Variants in EP400 observed in about 807,000 individuals in gnomAD.
EP400 encodes the protein E1A-binding protein p400.
In EP400, 105 loss-of-function variants were observed where a neutral mutation model predicts 354.1. That is an observed-to-expected ratio of 0.30 (90% CI 0.25 to 0.35). The LOEUF is 0.35. Among genes scored for constraint, EP400 ranks in the 10% least tolerant of loss-of-function variants. The pLI, the probability that EP400 is intolerant of heterozygous loss-of-function variation, is 1.00. For synonymous variants in EP400, 1,646 were observed against 1,716.9 expected (o/e 0.96, Z 1.02); for missense variants, 3,280 against 4,121.0 (o/e 0.80, Z 5.59).
At chr12:131,968,814 TG>T (rs1478520129) in intron 2 of EP400, among the ~76,000 whole-genome samples, 1 of 152,168 alleles carries the variant, frequency 6.6e-6, no homozygotes, top group Non-Finnish European at 1.5e-5. Context: ...ATTCCAATTT[TG>T]GGGGGTATTA....
chr12:132,006,355 T>A (rs1893581493), intron 14 of EP400, 53 bp downstream of exon 14: 10 of 1,573,148 alleles, frequency 6.4e-6, no homozygotes, highest in Non-Finnish European at 8.6e-6. Flanking sequence ...ACAGAGCACA[T>A]AGCTTAGCCA....
At chr12:132,030,811 A>G (rs1000610811) in intron 29 of EP400, among the ~76,000 whole-genome samples, 18 of 152,216 alleles carry the variant, frequency 1.2e-4, no homozygotes, top group African/African-American at 3.1e-4. Context: ...GGGGTTGTCC[A>G]TGGGCCCCGT....
rs373894699 is a variant in EP400 at position 132,070,477 on chromosome 12, C to T, written c.9021+836C>T. On this transcript the variant is annotated intron_variant, in intron 51 of 52. Transcript: ENST00000389561. The surrounding 1 kb of genome is among the most constrained non-coding windows in gnomAD (Gnocchi z 4.1). ...GGTCCCACGGCGCTCTCGCTATGAGCGGCAGTGACACTTGGTGTCTGGAGG... is the reference window on the plus strand; with the variant it reads ...GGTCCCACGGCGCTCTCGCTATGAGTGGCAGTGACACTTGGTGTCTGGAGG... 6.6e-6 allele frequency among the ~76,000 whole-genome samples: 1 copy of T among 152,262 alleles called. No individual in the cohort carries two copies. Among genetic ancestry groups the T allele is most frequent in the African/African-American group, 2.4e-5 (1 of 41,460 alleles).
rs1004168063 is a variant in EP400 at position 132,067,730 on chromosome 12, C to G, written c.8874+244C>G. Among the ~76,000 whole-genome samples, 1 of 151,046 alleles carries G rather than the reference C, an allele frequency of 6.6e-6. No individual in the cohort carries two copies. Among genetic ancestry groups the G allele is most frequent in the Admixed American group, 6.6e-5 (1 of 15,164 alleles). On this transcript the variant is annotated intron_variant, in intron 50 of 52. Transcript: ENST00000389561. The surrounding 1 kb of genome is among the most constrained non-coding windows in gnomAD (Gnocchi z 5.3). The stretch of plus-strand genomic sequence containing the variant: ...GGCAGGGGGATGGAGGGGGTATAGT[C>G]TGTGAGGATGGCTGGGTGCCAGGTA...
chr12:132,016,854 GA>G (rs1893956042), intron 19 of EP400, among the ~76,000 whole-genome samples: 1 of 152,138 alleles, frequency 6.6e-6, no homozygotes, highest in African/African-American at 2.4e-5. Flanking sequence ...GTTTGAGTTG[GA>G]AATTTGCCAT....
Position 132,017,710 on chromosome 12 carries a change from G to A in EP400, c.4099G>A (p.Asp1367Asn), listed in dbSNP as rs543622474. The A allele has an allele frequency of 2.4e-5, 37 of 1,521,198 alleles. 1 individual carries two copies. In the South Asian group the frequency reaches 4.5e-4, roughly 19 times the overall value. The allele number at this position is 1,521,198 out of a possible 1,614,324, so 94.2% of individuals were successfully genotyped here. A position where few individuals can be genotyped will look rare whatever the true frequency, so the allele number is the denominator to read the frequency against. The change falls in exon 20 of 53, where the codon GAT becomes AAT. Residue 1367 changes from aspartate (D) to asparagine (N), a missense_variant. Asp to Asn is a conservative substitution (Grantham distance 23, BLOSUM62 1). Coordinates refer to ENST00000389561, the MANE Select transcript of EP400 (RefSeq NM_015409.5). This position sits in a 1 kb window ranked among gnomAD's most constrained non-coding sequence, Gnocchi z 5.0. ...ASLILKALER[D>N]FWKEADLSMF... Reference sequence around the variant, plus strand: ...TCTAATCCTGAAGGCACTGGAGAGAGATTTCTGGAAGGTAAGTGGAGGATC... The same window carrying A: ...TCTAATCCTGAAGGCACTGGAGAGAAATTTCTGGAAGGTAAGTGGAGGATC...
At position 132,064,343 on chromosome 12, in the gene EP400, T is replaced by G. The variant is rs540978819; in HGVS notation, c.8335-325T>G. ...TAGGTTTTCTTAAAAAATTTTTTCT[T>G]AAAATGTTTTTTGAACTTCAAATAA... is the stretch of plus-strand genomic sequence containing the variant. On this transcript the variant is annotated intron_variant, in intron 47 of 52. Transcript: ENST00000389561. 3.7e-4 allele frequency among the ~76,000 whole-genome samples: 57 copies of G among 152,380 alleles called. No homozygotes were observed. The South Asian group carries it at 4.8e-3, about 13-fold the overall frequency.
At chr12:131,976,689 G>T (rs368912949) in intron 2 of EP400, among the ~76,000 whole-genome samples, 1 of 152,110 alleles carries the variant, frequency 6.6e-6, no homozygotes, top group Admixed American at 6.6e-5. Flanking sequence ...CAGCCTGGGC[G>T]ACAGAGCGAG....
intron 45 of EP400, among the ~76,000 whole-genome samples, chr12:132,059,241 C>G (rs750075363): frequency 6.6e-6 from 1 of 152,124 alleles, no homozygotes; most frequent in Non-Finnish European, 1.5e-5. Flanking sequence ...ACTATTGATA[C>G]ACCGAGGTAG....
At chr12:132,028,365 A>G (rs1894377329) in intron 27 of EP400, 77 bp downstream of exon 27, 3 of 1,551,466 alleles carry the variant, frequency 1.9e-6, no homozygotes, top group African/African-American at 1.4e-5. Context: ...TGTCTCGTGG[A>G]TGTACATCTT....
intron 24 of EP400, 25 bp downstream of exon 24, chr12:132,023,966 T>C: frequency 6.5e-7 from 1 of 1,542,516 alleles, no homozygotes; most frequent in Non-Finnish European, 8.7e-7. Flanking sequence ...GAGAGAGCAC[T>C]GATGCCAAAA....
At chr12:132,023,133 C>CTTT (rs752551086) in intron 23 of EP400, among the ~76,000 whole-genome samples, 1 of 134,016 alleles carries the variant, frequency 7.5e-6, no homozygotes, top group African/African-American at 2.7e-5. Context: ...TACATTTCTG[C>CTTT]TTTTTTTTTT....
intron 34 of EP400, 93 bp from the exon 35 acceptor site, chr12:132,044,084 C>G (rs1316663017): frequency 6.5e-7 from 1 of 1,541,036 alleles, no homozygotes; most frequent in African/African-American, 1.4e-5. Flanking sequence ...GAACATGTGG[C>G]TCTGAGACAA....
intron 15 of EP400, among the ~76,000 whole-genome samples, chr12:132,008,452 TGTA>T (rs1203519337): frequency 1.3e-5 from 2 of 152,220 alleles, no homozygotes; most frequent in Non-Finnish European, 2.9e-5. Flanking sequence ...ACAGTTTAGA[TGTA>T]GTGCTATAGC....
At position 132,021,243 on chromosome 12, in the gene EP400, G is replaced by A. The variant is rs1462838607; in HGVS notation, c.4612G>A (p.Ala1538Thr). ...AGGCCAGCCCCCGCCCCAGCCCCAGGCCCCCTCGCACGCGGCCGGGCAGAG... is the reference window on the plus strand; with the variant it reads ...AGGCCAGCCCCCGCCCCAGCCCCAGACCCCCTCGCACGCGGCCGGGCAGAG... Reference protein sequence around the residue: ...TPGQPPPQPQAPSHAAGQSAL... With the variant: ...TPGQPPPQPQTPSHAAGQSAL... The change falls in exon 23 of 53, where the codon GCC becomes ACC. Residue 1538 changes from alanine (A) to threonine (T), a missense_variant. Ala to Thr is a moderately conservative substitution (Grantham distance 58). This residue lies in a region of EP400 where 342 missense variants were observed against 342.7 expected (regional missense o/e 1.00). Coordinates refer to ENST00000389561, the MANE Select transcript of EP400 (RefSeq NM_015409.5). 1.3e-6 allele frequency: 2 copies of A among 1,554,860 alleles called. No homozygotes were observed. Among genetic ancestry groups the A allele is most frequent in the Non-Finnish European group, 1.7e-6 (2 of 1,156,838 alleles).
At chr12:131,986,280 A>G (rs1453861055) in intron 5 of EP400, among the ~76,000 whole-genome samples, 1 of 152,218 alleles carries the variant, frequency 6.6e-6, no homozygotes, top group Non-Finnish European at 1.5e-5. Flanking sequence ...GGCATGGCCT[A>G]AAGATAGTTC....
Position 132,066,929 on chromosome 12 carries a change from G to A in EP400, c.8709G>A (p.Ala2903=), listed in dbSNP as rs202114543. 181 of 1,608,478 alleles carry A rather than the reference G, an allele frequency of 1.1e-4. 1 individual carries two copies. Among genetic ancestry groups the A allele is most frequent in the East Asian group, 9.5e-4 (42 of 44,410 alleles). ...PGVTTLPMNV[A]GISVAIGQPQ... ...TCACCACCCTGCCCATGAACGTCGC[G>A]GGGATCAGCGTGGCGATCGGTCAGC... The change falls in exon 49 of 53, where the codon GCG becomes GCA. Residue 2903 remains alanine (A), a synonymous_variant. Coordinates refer to ENST00000389561, the MANE Select transcript of EP400 (RefSeq NM_015409.5).
chr12:131,956,490 G>A (rs924772186), intron 1 of EP400, among the ~76,000 whole-genome samples: 3 of 152,104 alleles, frequency 2.0e-5, no homozygotes, highest in Non-Finnish European at 4.4e-5. Flanking sequence ...TCTACAGTGA[G>A]TATTGTTTAT....
chr12:132,077,880 C>T lies in EP400; in HGVS notation c.*207C>T, dbSNP rs1896285438. On this transcript the variant is annotated 3_prime_UTR_variant, in exon 53 of 53. Transcript: ENST00000389561. ...ATGGAGTGCCGCGTTCTCTGTACTA[C>T]GTGGCTCATGGAAAAAGTGACAACA... 5 of 677,066 alleles carry T rather than the reference C, an allele frequency of 7.4e-6. No individual in the cohort carries two copies. Among genetic ancestry groups the T allele is most frequent in the Non-Finnish European group, 1.2e-5 (5 of 421,704 alleles). 41.9% of individuals were successfully genotyped at this position (677,066 alleles called of 1,614,324 possible).
Sources: allele counts gnomAD v4.1 joint callset (sites outside exome capture counted in the v4.1 genomes callset), GRCh38; gene constraint gnomAD v4.1.1; regional missense constraint gnomAD v4.1.1; non-coding constraint Gnocchi (gnomAD v3.1); transcripts MANE v1.5; gene names NCBI Gene and HGNC (gene_info 2026-07-23, HGNC 2026-07-21).